Variants in SMYD2 observed in about 807,000 individuals in gnomAD.
SMYD2 encodes SET and MYND domain containing 2.
A neutral mutation model predicts 59.1 loss-of-function variants in SMYD2; 53 were observed. That is an observed-to-expected ratio of 0.90 (90% CI 0.72 to 1.13). The LOEUF is 1.13. Among genes scored for constraint, SMYD2 ranks in the 50% most tolerant of loss-of-function variants. The probability of loss-of-function intolerance (pLI) is 0.00; values close to 1 mark genes in which losing one functional copy is unlikely to be tolerated. For synonymous variants in SMYD2, 208 were observed against 198.8 expected, an observed-to-expected ratio of 1.05 and a Z score of -0.39; for missense variants, 494 against 544.7, an observed-to-expected ratio of 0.91 and a Z score of 0.93.
At chr1:214,293,669 G>C (rs1571920374) in intron 1 of SMYD2, among the ~76,000 whole-genome samples, 3 of 152,122 alleles carry the variant, frequency 2.0e-5, no homozygotes. Context: ...AGGCAGGGCA[G>C]ATTTCCCCAA....
chr1:214,287,638 G>C (rs1198884162), intron 1 of SMYD2, among the ~76,000 whole-genome samples: 2 of 143,268 alleles, frequency 1.4e-5, no homozygotes, highest in East Asian at 4.0e-4. Context: ...GCCACAACCA[G>C]CAGTTCTCAA....
chr1:214,336,681 T>C lies in SMYD2; in HGVS notation c.1222-23T>C, dbSNP rs1034352800. On this transcript the variant is annotated intron_variant, in intron 11 of 11. Transcript: ENST00000366957. ...GAGGAGATTGGCTTCTAGGCTCTCATTGTTTGTCTTGCTTTTTCCTAGGCC... is the reference window on the plus strand; with the variant it reads ...GAGGAGATTGGCTTCTAGGCTCTCACTGTTTGTCTTGCTTTTTCCTAGGCC... The C allele has an allele frequency of 1.9e-6, 3 of 1,611,204 alleles. No individual in the cohort carries two copies. In the African/African-American group the frequency reaches 4.0e-5, roughly 22 times the overall value.
intron 1 of SMYD2, among the ~76,000 whole-genome samples, chr1:214,299,465 T>TATATA (rs1553254476): frequency 4.2e-5 from 3 of 71,592 alleles, no homozygotes; most frequent in Non-Finnish European, 8.8e-5. Flanking sequence ...AAAGAAAACA[T>TATATA]TATATATATA....
At chr1:214,331,095 G>C (rs767851194) in intron 9 of SMYD2, 25 bp downstream of exon 9, 1 of 1,609,338 alleles carries the variant, frequency 6.2e-7, no homozygotes, top group Non-Finnish European at 8.5e-7. Context: ...TGCCCTGATA[G>C]CTTATTATCC....
intron 6 of SMYD2, 36 bp downstream of exon 6, chr1:214,324,744 C>T (rs1190834264): frequency 6.4e-7 from 1 of 1,571,150 alleles, no homozygotes; most frequent in African/African-American, 1.4e-5. Context: ...TTCCTTTTTA[C>T]TTACTTAACA....
intron 6 of SMYD2, among the ~76,000 whole-genome samples, chr1:214,326,599 C>G (rs1346180431): frequency 6.6e-6 from 1 of 152,190 alleles, no homozygotes; most frequent in Non-Finnish European, 1.5e-5. Context: ...ATCTCAGGCA[C>G]CAGGCTAACC....
At chr1:214,307,702 A>C (rs6662275) in intron 2 of SMYD2, among the ~76,000 whole-genome samples, 79,235 of 151,868 alleles carry the variant, frequency 0.52, 21,532 homozygotes, top group African/African-American at 0.68. Flanking sequence ...CATGGCCCAC[A>C]TTGGGATTTG....
chr1:214,317,757 C>G (rs1046805007), intron 3 of SMYD2, among the ~76,000 whole-genome samples: 1 of 152,144 alleles, frequency 6.6e-6, no homozygotes, highest in Non-Finnish European at 1.5e-5. Context: ...GATGGTTTGT[C>G]TGTAGACCCA....
At chr1:214,283,212 G>A (rs533128658) in intron 1 of SMYD2, among the ~76,000 whole-genome samples, 4 of 152,306 alleles carry the variant, frequency 2.6e-5, no homozygotes, top group African/African-American at 9.6e-5. Context: ...GAACATTAAT[G>A]GATGGTCAGA....
chr1:214,313,460 A>G (rs1657031377), intron 2 of SMYD2, among the ~76,000 whole-genome samples: 1 of 151,686 alleles, frequency 6.6e-6, no homozygotes, highest in African/African-American at 2.4e-5. Flanking sequence ...CGTGAAAGAG[A>G]CAGTGTGTAA....
intron 1 of SMYD2, among the ~76,000 whole-genome samples, chr1:214,304,953 C>T (rs183707382): frequency 6.6e-6 from 1 of 152,130 alleles, no homozygotes; most frequent in African/African-American, 2.4e-5. Context: ...GGACAGTGCT[C>T]TTCATACTGG....
intron 2 of SMYD2, among the ~76,000 whole-genome samples, chr1:214,314,428 C>T (rs1657048525): frequency 6.6e-6 from 1 of 152,142 alleles, no homozygotes; most frequent in Non-Finnish European, 1.5e-5. Flanking sequence ...AAATTGCTCC[C>T]TCTGCAATTT....
intron 1 of SMYD2, among the ~76,000 whole-genome samples, chr1:214,286,843 T>G (rs1656555691): frequency 9.0e-6 from 1 of 111,686 alleles, no homozygotes; most frequent in Non-Finnish European, 1.7e-5. Context: ...TCAAAATCAC[T>G]CTGATCTCTC....
chr1:214,332,822 CACTT>C (rs1657377393), intron 10 of SMYD2: 1 of 152,488 alleles, frequency 6.6e-6, no homozygotes, highest in African/African-American at 2.4e-5. Flanking sequence ...TCGGACTAGA[CACTT>C]CAGGGCTGAG....
At chr1:214,288,080 T>A (rs1447394969) in intron 1 of SMYD2, among the ~76,000 whole-genome samples, 1 of 152,260 alleles carries the variant, frequency 6.6e-6, no homozygotes, top group African/African-American at 2.4e-5. Flanking sequence ...CAGGATATCC[T>A]GAAGTGAAAT....
chr1:214,287,762 C>G (rs879313378), intron 1 of SMYD2, among the ~76,000 whole-genome samples: 4 of 151,968 alleles, frequency 2.6e-5, no homozygotes, highest in Non-Finnish European at 5.9e-5. Flanking sequence ...CAAAAAAGAG[C>G]CTTTTCTCAC....
intron 3 of SMYD2, among the ~76,000 whole-genome samples, chr1:214,316,317 T>G (rs1250253435): frequency 2.0e-5 from 3 of 152,024 alleles, no homozygotes; most frequent in African/African-American, 7.2e-5. Flanking sequence ...TAATAAATTT[T>G]AAAAATTAAA....
chr1:214,336,314 C>T (rs1377119263), intron 11 of SMYD2, among the ~76,000 whole-genome samples: 13 of 152,234 alleles, frequency 8.5e-5, no homozygotes, highest in African/African-American at 1.7e-4. Context: ...GGGCGGATCA[C>T]GAGGTCAGGA....
At chr1:214,334,024 A>AT (rs1657397467) in intron 10 of SMYD2, 176 bp from the exon 11 acceptor site, 1 of 538,878 alleles carries the variant, frequency 1.9e-6, no homozygotes, top group African/African-American at 1.9e-5. Flanking sequence ...ATCTGCAATG[A>AT]TTCGGCAGGG....
Sources: allele counts gnomAD v4.1 joint callset (sites outside exome capture counted in the v4.1 genomes callset), GRCh38; gene constraint gnomAD v4.1.1; transcripts MANE v1.5; gene names NCBI Gene and HGNC (gene_info 2026-07-23, HGNC 2026-07-21).